The following CNOT3 variants were observed in gnomAD, a reference collection of about 807,000 sequenced individuals.
CNOT3 encodes CCR4-associated factor 3.
Under a neutral mutation model 89.4 loss-of-function variants are expected in CNOT3, and 2 were observed. That is an observed-to-expected ratio of 0.02 (90% CI 0.01 to 0.07). The LOEUF (loss-of-function observed/expected upper bound fraction) is 0.07, where lower values mean the gene tolerates loss of function less well. Among genes scored for constraint, CNOT3 ranks in the 10% least tolerant of loss-of-function variants. CNOT3 has a pLI of 1.00. For missense variants in CNOT3, 664 were observed against 1,010.2 expected (o/e 0.66, Z 4.65); for synonymous variants, 486 against 402.0 (o/e 1.21, Z -2.50).
In CNOT3 at chr19:54,143,203, C is replaced by T. The variant is rs777518801; in HGVS notation, c.93+17C>T. ...TGGCAGAAGGTACAGGGGCTGAGAC[C>T]CTAATAATCTGGGTCTTCAGAGAGG... On this transcript the variant is annotated intron_variant, in intron 3 of 17. Coordinates refer to ENST00000221232, the MANE Select transcript of CNOT3 (RefSeq NM_014516.4). 14 of 1,609,200 alleles carry T rather than the reference C, an allele frequency of 8.7e-6. No individual in the cohort carries two copies. The highest frequency in any genetic ancestry group is 1.2e-5 in the Non-Finnish European group (14 of 1,175,924).
Position 54,148,282 on chromosome 19 carries a change from C to T in CNOT3, c.1029C>T (p.Val343=). 1 of 1,607,330 alleles carries T rather than the reference C, an allele frequency of 6.2e-7. No homozygotes were observed. Among genetic ancestry groups the T allele is most frequent in the Non-Finnish European group, 8.5e-7 (1 of 1,176,330 alleles). The change falls in exon 11 of 18, where the codon GTC becomes GTT. Residue 343 remains valine, a synonymous_variant. Transcript: ENST00000221232. This position sits in a 1 kb window ranked among gnomAD's most constrained non-coding sequence, Gnocchi z 6.3. The stretch of plus-strand genomic sequence containing the variant: ...GCACCACTCCTGGCAACAATGGGGT[C>T]CCCGCCCCCGCAGCACCCCCAAGTG... The part of the protein sequence containing the change: ...ALSTTPGNNG[V]PAPAAPPSAL...
Position 54,148,321 on chromosome 19 carries a change from G to A in CNOT3, c.1068G>A (p.Lys356=). 1 of 1,601,400 alleles carries A rather than the reference G, an allele frequency of 6.2e-7. No homozygotes were observed. The highest frequency in any genetic ancestry group is 1.7e-5 in the Admixed American group (1 of 58,448). Reference sequence around the variant, plus strand: ...CACCCCCAAGTGCCCTGGGCCCCAAGGCCAGTCCAGCTCCCAGCCACAACT... The same window carrying A: ...CACCCCCAAGTGCCCTGGGCCCCAAAGCCAGTCCAGCTCCCAGCCACAACT... ...PAAPPSALGP[K]ASPAPSHNSG... The change falls in exon 11 of 18, where the codon AAG becomes AAA. Residue 356 remains lysine, a synonymous_variant. Transcript: ENST00000221232. The surrounding 1 kb of genome is among the most constrained non-coding windows in gnomAD (Gnocchi z 6.3).
intron 1 of CNOT3, among the ~76,000 whole-genome samples, chr19:54,141,152 C>G (rs2074433834): frequency 6.6e-6 from 1 of 152,178 alleles, no homozygotes. Context: ...TGTGAGCTCC[C>G]TGGGTCAAAG....
chr19:54,146,641 A>G lies in CNOT3; in HGVS notation c.878A>G (p.Asp293Gly). Residue 293 changes from aspartate to glycine, a missense_variant, in exon 10 of 18, where the codon GAC becomes GGC. Around this residue, in one of 8 missense-constraint regions of CNOT3, gnomAD observed 545 missense variants for 566.2 expected, o/e 0.96. Coordinates refer to ENST00000221232, the MANE Select transcript of CNOT3 (RefSeq NM_014516.4). The part of the protein sequence containing the change: ...EDDKKRGRST[D>G]SEVSQSPAKN... Reference sequence around the variant, plus strand: ...GATAAGAAGAGGGGACGTTCCACAGACAGTGAAGTCAGCCAGGTGGGTGTG... The same window carrying G: ...GATAAGAAGAGGGGACGTTCCACAGGCAGTGAAGTCAGCCAGGTGGGTGTG... The G allele has an allele frequency of 6.4e-7, 1 of 1,567,720 alleles. No individual in the cohort carries two copies. Among genetic ancestry groups the G allele is most frequent in the Non-Finnish European group, 8.8e-7 (1 of 1,137,762 alleles).
intron 17 of CNOT3, chr19:54,154,070 CT>C (rs2075291682): frequency 1.4e-6 from 1 of 715,338 alleles, no homozygotes; most frequent in African/African-American, 1.7e-5. Context: ...CCAAATGTCC[CT>C]TCCTCAAAGA....
chr19:54,148,796 A>G lies in CNOT3; in HGVS notation c.1406+53A>G. 6.4e-7 allele frequency: 1 copy of G among 1,572,540 alleles called. No individual in the cohort carries two copies. The highest frequency in any genetic ancestry group is 8.6e-7 in the Non-Finnish European group (1 of 1,157,974). ...GGGATGGCAGCCTTTTGAAACAGAGAGGCGCAGGCGCCTCACCCCCGCATC... is the reference window on the plus strand; with the variant it reads ...GGGATGGCAGCCTTTTGAAACAGAGGGGCGCAGGCGCCTCACCCCCGCATC... On this transcript the variant is annotated intron_variant, in intron 12 of 17. Transcript: ENST00000221232. This position sits in a 1 kb window ranked among gnomAD's most constrained non-coding sequence, Gnocchi z 6.3.
chr19:54,152,733 C>A, intron 15 of CNOT3, 107 bp downstream of exon 15: 1 of 1,056,450 alleles, frequency 9.5e-7, no homozygotes, highest in Non-Finnish European at 1.5e-6. Flanking sequence ...CTGACTTGGG[C>A]TCTCCACTGA....
At chr19:54,146,164 C>T in intron 9 of CNOT3, 121 bp downstream of exon 9, 2 of 1,088,626 alleles carry the variant, frequency 1.8e-6, no homozygotes, top group Non-Finnish European at 2.7e-6. Flanking sequence ...ATCTAGGTAT[C>T]CAGGGTCTAG....
At position 54,145,121 on chromosome 19, in the gene CNOT3, G is replaced by T. The variant is rs1306549993; in HGVS notation, c.484-477G>T. On this transcript the variant is annotated intron_variant, in intron 7 of 17. Coordinates refer to ENST00000221232, the MANE Select transcript of CNOT3 (RefSeq NM_014516.4). This position sits in a 1 kb window ranked among gnomAD's most constrained non-coding sequence, Gnocchi z 5.9. ...TCTGGGCTCTCTCAGGGATAAATGG[G>T]TAGGGTTGGGGGCCTAGTGATGACA... Among the ~76,000 whole-genome samples the T allele has an allele frequency of 3.9e-5, 6 of 152,118 alleles. No individual in the cohort carries two copies. Among genetic ancestry groups the T allele is most frequent in the African/African-American group, 1.4e-4 (6 of 41,416 alleles).
chr19:54,146,691 T>C (rs1226620264), intron 10 of CNOT3, 34 bp downstream of exon 10: 11 of 1,207,352 alleles, frequency 9.1e-6, no homozygotes, highest in Non-Finnish European at 1.4e-5. Context: ...GGGCACGCCA[T>C]TCACTCCTCT....
chr19:54,153,857 C>G lies in CNOT3; in HGVS notation c.2163+17C>G, dbSNP rs770165877. The G allele has an allele frequency of 6.2e-7, 1 of 1,614,082 alleles. No homozygotes were observed. The highest frequency in any genetic ancestry group is 1.1e-5 in the South Asian group (1 of 91,082). On this transcript the variant is annotated intron_variant, in intron 17 of 17. Transcript: ENST00000221232. ...TTTGAGCAGGTGAGGGCCCCGCCCC[C>G]TCTCTTCCCGCTGCTAGGGTTGGGG...
chr19:54,147,918 G>A (rs1169837957), intron 10 of CNOT3, among the ~76,000 whole-genome samples: 1 of 152,174 alleles, frequency 6.6e-6, no homozygotes, highest in Non-Finnish European at 1.5e-5. Flanking sequence ...GTCCAGGCAG[G>A]ACTTGGGAAG....
In CNOT3 at chr19:54,145,568, C is replaced by T. The variant is rs1437834303; in HGVS notation, c.484-30C>T. On this transcript the variant is annotated intron_variant, in intron 7 of 17. Transcript: ENST00000221232. This position sits in a 1 kb window ranked among gnomAD's most constrained non-coding sequence, Gnocchi z 5.9. ...AGGGGCCAAGCAGGTGCTCTGCAGC[C>T]CCTGAGCCTGGCCCTGGGCTCGCCA... is the stretch of plus-strand genomic sequence containing the variant. The T allele has an allele frequency of 6.6e-7, 1 of 1,521,768 alleles. No individual in the cohort carries two copies. The highest frequency in any genetic ancestry group is 2.3e-5 in the East Asian group (1 of 44,120). The allele number at this position is 1,521,768 out of a possible 1,614,324, so 94.3% of individuals were successfully genotyped here.
At chr19:54,151,070 T>C (rs967226186) in intron 13 of CNOT3, among the ~76,000 whole-genome samples, 1 of 152,078 alleles carries the variant, frequency 6.6e-6, no homozygotes, top group Admixed American at 6.6e-5. Flanking sequence ...GGATTACAGG[T>C]GTGAGCCACC....
chr19:54,154,972 T>C, intron 17 of CNOT3: 1 of 344,808 alleles, frequency 2.9e-6, no homozygotes, highest in Non-Finnish European at 5.3e-6. Context: ...AATGCTAGGC[T>C]GTGCATCCTG....
Position 54,153,476 on chromosome 19 carries a change from A to C in CNOT3, c.2038-239A>C, listed in dbSNP as rs1300474325. Reference sequence around the variant, plus strand: ...CCTCTCTCAGCTCTCATCACACATTAGTTTTTCTTCCTTCTCAAAGCTTCT... The same window carrying C: ...CCTCTCTCAGCTCTCATCACACATTCGTTTTTCTTCCTTCTCAAAGCTTCT... On this transcript the variant is annotated intron_variant, in intron 16 of 17. Transcript: ENST00000221232. 3 of 776,278 alleles carry C rather than the reference A, an allele frequency of 3.9e-6. No individual in the cohort carries two copies. The South Asian group carries it at 4.1e-5, about 11-fold the overall frequency. The allele number at this position is 776,278 out of a possible 1,614,324, so 48.1% of individuals were successfully genotyped here.
chr19:54,140,710 C>A (rs1199556606), intron 1 of CNOT3, among the ~76,000 whole-genome samples: 1 of 152,132 alleles, frequency 6.6e-6, no homozygotes, highest in Non-Finnish European at 1.5e-5. Context: ...CAGCTGTAGC[C>A]GACTTCGATG....
At chr19:54,149,144 C>T (rs2074897239) in intron 12 of CNOT3, among the ~76,000 whole-genome samples, 1 of 152,188 alleles carries the variant, frequency 6.6e-6, no homozygotes, top group Non-Finnish European at 1.5e-5. Flanking sequence ...CAGACCATTC[C>T]ACTGGGTCTG....
At chr19:54,149,845 A>T (rs1161478865) in intron 13 of CNOT3, 87 bp downstream of exon 13, 25 of 1,265,948 alleles carry the variant, frequency 2.0e-5, no homozygotes, top group Admixed American at 2.9e-5. Context: ...CCTTGCCCCC[A>T]CCCTCTTTCT....
Sources: gnomAD v4.1 joint callset for allele counts (sites outside exome capture counted in the v4.1 genomes callset) on GRCh38, gnomAD v4.1.1 for gene constraint, gnomAD v4.1.1 regional missense constraint, Gnocchi (gnomAD v3.1) non-coding constraint, MANE v1.5 for transcripts, NCBI Gene and HGNC (gene_info 2026-07-23, HGNC 2026-07-21) for gene names.